Variants in RASEF observed in about 807,000 individuals in gnomAD.
RASEF encodes the protein ras and EF-hand domain-containing protein.
RASEF carries 68 observed loss-of-function variants against 90.1 expected under a neutral mutation model. That is an observed-to-expected ratio of 0.75 (90% confidence interval 0.62 to 0.92). The LOEUF is 0.92. RASEF is among the 40% of genes least tolerant of loss of function. RASEF has a pLI of 0.00. For missense variants in RASEF, 949 were observed against 937.2 expected (o/e 1.01, Z -0.16); for synonymous variants, 331 against 345.2 (o/e 0.96, Z 0.46).
At position 83,062,827 on chromosome 9, in the gene RASEF, C is replaced by A. The variant is rs780472975; in HGVS notation, c.41G>T (p.Arg14Leu). ...CGCGTCGCAGGCGGCGAAGACTGAG[C>A]GCAGCCGGGCCAGCTCCTCTCCGTC... is the stretch of plus-strand genomic sequence containing the variant. ...DGDGEELARL[R>L]SVFAACDANR... Residue 14 changes from arginine to leucine, a missense_variant, in exon 1 of 17, where the codon CGC becomes CTC. Arg to Leu is a moderately radical substitution (Grantham distance 102). Around this residue, in one of 3 missense-constraint regions of RASEF, gnomAD observed 656 missense variants for 592.2 expected, o/e 1.11. Transcript: ENST00000376447. 7.7e-6 allele frequency: 12 copies of A among 1,549,956 alleles called. No individual in the cohort carries two copies. Among genetic ancestry groups the A allele is most frequent in the Non-Finnish European group, 1.0e-5 (12 of 1,159,050 alleles).
the RASEF span, among the ~76,000 whole-genome samples, chr9:83,113,127 C>T: frequency 7.8e-3 from 1,192 of 152,196 alleles, 6 homozygotes; most frequent in Non-Finnish European, 0.013. Context: ...CGACTGGAGC[C>T]GAGGCAGAAG....
intron 1 of RASEF, among the ~76,000 whole-genome samples, chr9:83,039,906 C>A (rs960610374): frequency 6.6e-6 from 1 of 152,070 alleles, no homozygotes. Flanking sequence ...GGCTCTGTCC[C>A]CAGCCAAATC....
chr9:83,001,950 T>A (rs1171007282), intron 9 of RASEF, among the ~76,000 whole-genome samples: 2 of 152,212 alleles, frequency 1.3e-5, no homozygotes, highest in Non-Finnish European at 2.9e-5. Flanking sequence ...CTGACTTCTA[T>A]AGATCTTACC....
the RASEF span, among the ~76,000 whole-genome samples, chr9:83,198,931 A>C: frequency 2.0e-5 from 3 of 152,220 alleles, no homozygotes; most frequent in Non-Finnish European, 2.9e-5. Flanking sequence ...TGAAAGAAAC[A>C]AAAAGAACTG....
At chr9:82,996,933 A>G (rs769011369) in intron 14 of RASEF, 79 bp downstream of exon 14, 1 of 820,078 alleles carries the variant, frequency 1.2e-6, no homozygotes, top group Non-Finnish European at 2.1e-6. Context: ...TCATTCTGAC[A>G]AAGAAGAGAG....
chr9:83,119,491 G>A, the RASEF span, among the ~76,000 whole-genome samples: 4 of 152,104 alleles, frequency 2.6e-5, no homozygotes, highest in Admixed American at 1.3e-4. Flanking sequence ...ATGATGGCTT[G>A]GTGCAGGGGA....
At chr9:83,129,122 T>G in the RASEF span, among the ~76,000 whole-genome samples, 1 of 152,158 alleles carries the variant, frequency 6.6e-6, no homozygotes. Flanking sequence ...ATAGTGCCTT[T>G]GGGGCCAAAA....
the RASEF span, among the ~76,000 whole-genome samples, chr9:83,110,691 A>G: frequency 6.6e-6 from 1 of 152,204 alleles, no homozygotes; most frequent in Non-Finnish European, 1.5e-5. Context: ...AGGGAGGCAG[A>G]GTAGAAATTG....
At chr9:83,090,735 G>T in the RASEF span, among the ~76,000 whole-genome samples, 1 of 151,810 alleles carries the variant, frequency 6.6e-6, no homozygotes, top group Non-Finnish European at 1.5e-5. Flanking sequence ...TGTAATTTGG[G>T]GTTAAAAATT....
chr9:83,185,212 G>A, the RASEF span, among the ~76,000 whole-genome samples: 1 of 151,822 alleles, frequency 6.6e-6, no homozygotes, highest in Non-Finnish European at 1.5e-5. Flanking sequence ...AAAATGCTTC[G>A]AAGACAAAGC....
At chr9:82,996,237 G>C (rs993880723) in intron 14 of RASEF, among the ~76,000 whole-genome samples, 2 of 152,180 alleles carry the variant, frequency 1.3e-5, no homozygotes, top group Admixed American at 1.3e-4. Context: ...TTAAATTACA[G>C]GTAATATACT....
chr9:83,216,341 C>T, the RASEF span, among the ~76,000 whole-genome samples: 3 of 152,258 alleles, frequency 2.0e-5, no homozygotes, highest in South Asian at 4.2e-4. Flanking sequence ...ATTTCCTGAG[C>T]CAGGTCCCAG....
chr9:83,097,406 A>T, the RASEF span, among the ~76,000 whole-genome samples: 1 of 152,220 alleles, frequency 6.6e-6, no homozygotes, highest in African/African-American at 2.4e-5. Context: ...GACAAATGGG[A>T]TCTAATTAAA....
the RASEF span, among the ~76,000 whole-genome samples, chr9:83,135,806 G>A: frequency 6.6e-6 from 1 of 152,044 alleles, no homozygotes; most frequent in Non-Finnish European, 1.5e-5. Flanking sequence ...GAGGAGAATA[G>A]GCTTCAAAAT....
At chr9:82,995,602 T>A (rs571261196) in intron 14 of RASEF, among the ~76,000 whole-genome samples, 1 of 152,224 alleles carries the variant, frequency 6.6e-6, no homozygotes, top group Non-Finnish European at 1.5e-5. Flanking sequence ...CATACTAACA[T>A]GCCTGGGTAA....
chr9:83,212,229 G>C, the RASEF span, among the ~76,000 whole-genome samples: 1 of 152,186 alleles, frequency 6.6e-6, no homozygotes, highest in African/African-American at 2.4e-5. Context: ...TCACATAGCT[G>C]TAGATAGGAA....
intron 5 of RASEF, among the ~76,000 whole-genome samples, chr9:83,011,927 T>A (rs745584501): frequency 2.6e-5 from 4 of 152,096 alleles, no homozygotes; most frequent in African/African-American, 4.8e-5. Flanking sequence ...ATATTTAGAA[T>A]CATAAGAAAG....
intron 1 of RASEF, among the ~76,000 whole-genome samples, chr9:83,035,349 A>G (rs917800322): frequency 1.3e-5 from 2 of 152,228 alleles, no homozygotes; most frequent in Non-Finnish European, 2.9e-5. Flanking sequence ...GCAGAGGGAT[A>G]GATGAGCCTT....
chr9:83,214,718 A>G, the RASEF span, among the ~76,000 whole-genome samples: 2 of 152,106 alleles, frequency 1.3e-5, no homozygotes, highest in Non-Finnish European at 2.9e-5. Context: ...GTTCCCCTGC[A>G]CATAGTCTCT....
Sources: allele counts gnomAD v4.1 joint callset (sites outside exome capture counted in the v4.1 genomes callset), GRCh38; gene constraint gnomAD v4.1.1; regional missense constraint gnomAD v4.1.1; transcripts MANE v1.5; gene names NCBI Gene and HGNC (gene_info 2026-07-23, HGNC 2026-07-21).